SPATA18: variants seen among roughly 807,000 people sequenced by gnomAD.
The protein encoded by SPATA18 is mitochondria-eating protein.
Under a neutral mutation model 68.1 loss-of-function variants are expected in SPATA18, and 54 were observed. The observed-to-expected ratio is 0.79, with a 90% CI of 0.64 to 0.99. SPATA18 has a LOEUF of 0.99. SPATA18 is among the 50% of genes least tolerant of loss of function. The pLI is 0.00. For synonymous variants in SPATA18, 242 were observed against 244.8 expected (o/e 0.99, Z 0.11); for missense variants, 724 against 681.1 (o/e 1.06, Z -0.70).
intron 11 of SPATA18, among the ~76,000 whole-genome samples, chr4:52,088,098 T>C (rs528283067): frequency 1.1e-4 from 16 of 152,328 alleles, no homozygotes; most frequent in African/African-American, 3.8e-4. Context: ...ATAGGAATGC[T>C]TGTGATTTTT....
intron 6 of SPATA18, among the ~76,000 whole-genome samples, chr4:52,074,784 G>C (rs557527232): frequency 2.6e-4 from 39 of 152,282 alleles, no homozygotes; most frequent in Admixed American, 1.6e-3. Context: ...TATGAATGGT[G>C]GGGGGAGTAC....
At chr4:52,094,722 T>C (rs1393726094) in intron 12 of SPATA18, 150 bp downstream of exon 12, 5 of 1,285,030 alleles carry the variant, frequency 3.9e-6, no homozygotes, top group Non-Finnish European at 4.5e-6. Flanking sequence ...CTCTGGCTGA[T>C]GGTACCCAGG....
chr4:52,088,337 C>T (rs1203163130), intron 11 of SPATA18, among the ~76,000 whole-genome samples: 1 of 152,126 alleles, frequency 6.6e-6, no homozygotes, highest in Non-Finnish European at 1.5e-5. Flanking sequence ...AGAAGGCATC[C>T]TTGTCTTGTG....
chr4:52,078,824 C>T lies in SPATA18; in HGVS notation c.1110C>T (p.Asp370=). The T allele has an allele frequency of 6.2e-7, 1 of 1,609,754 alleles. No individual in the cohort carries two copies. Among genetic ancestry groups the T allele is most frequent in the Non-Finnish European group, 8.5e-7 (1 of 1,176,450 alleles). The change falls in exon 8 of 13, where the codon GAC becomes GAT. Residue 370 remains aspartate (D), a synonymous_variant. Transcript: ENST00000295213. ...CACCATCTTATGTGGGGTCGAATGA[C>T]TTTGAGAATGCTGTCTTGGATTATG... The part of the protein sequence containing the change: ...SLTPSYVGSN[D]FENAVLDYVI...
chr4:52,087,778 T>G (rs1741566266), intron 11 of SPATA18, among the ~76,000 whole-genome samples: 1 of 151,904 alleles, frequency 6.6e-6, no homozygotes, highest in African/African-American at 2.4e-5. Flanking sequence ...CATATGAAAT[T>G]TAAAGTGGTT....
chr4:52,074,011 G>T (rs1045780374), intron 6 of SPATA18, among the ~76,000 whole-genome samples: 1 of 152,176 alleles, frequency 6.6e-6, no homozygotes, highest in Non-Finnish European at 1.5e-5. Context: ...GCCAGTATTT[G>T]CCAGTATTTC....
At chr4:52,089,131 C>A (rs1741715099) in intron 11 of SPATA18, among the ~76,000 whole-genome samples, 1 of 151,554 alleles carries the variant, frequency 6.6e-6, no homozygotes, top group African/African-American at 2.4e-5. Flanking sequence ...TGATGATACC[C>A]CTCTTATCAT....
chr4:52,070,054 A>T, intron 5 of SPATA18, 138 bp downstream of exon 5: 3 of 237,222 alleles, frequency 1.3e-5, no homozygotes, highest in Non-Finnish European at 1.5e-5. Flanking sequence ...ATATATATAT[A>T]TATTTACTAC....
chr4:52,068,521 G>C (rs577224207), intron 4 of SPATA18, among the ~76,000 whole-genome samples: 7 of 152,224 alleles, frequency 4.6e-5, no homozygotes, highest in Non-Finnish European at 1.0e-4. Flanking sequence ...GGCCCTTGCC[G>C]AGTGGGCATT....
chr4:52,076,792 C>G lies in SPATA18; in HGVS notation c.772C>G (p.Arg258Gly), dbSNP rs765886482. 19 of 1,613,368 alleles carry G rather than the reference C, an allele frequency of 1.2e-5. No homozygotes were observed. The highest frequency in any genetic ancestry group is 2.2e-5 in the East Asian group (1 of 44,888). ...SALQGRSSRS[R>G]SPSPAPRSRS... is the part of the protein sequence containing the mutation. ...GCTCACCAACAGGTCCTCCAGGAGC[C>G]GGTCTCCCAGCCCTGCCCCTCGCAG... is the stretch of plus-strand genomic sequence containing the variant. Residue 258 changes from arginine to glycine, a missense_variant, in exon 7 of 13, where the codon CGG (arginine) becomes GGG (glycine). Coordinates refer to ENST00000295213, the MANE Select transcript of SPATA18 (RefSeq NM_145263.4).
Position 52,072,116 on chromosome 4 carries a change from A to T in SPATA18, c.718A>T (p.Ile240Leu), listed in dbSNP as rs1446430102. ...ACAGCTCCGAAACCTGAAGGAGGAGATAGCTGTTCTGTCTGCTGAGAAAAG... is the reference window on the plus strand; with the variant it reads ...ACAGCTCCGAAACCTGAAGGAGGAGTTAGCTGTTCTGTCTGCTGAGAAAAG... ...KKQLRNLKEE[I>L]AVLSAEKSAL... Residue 240 changes from isoleucine (I) to leucine (L), a missense_variant, in exon 6 of 13, where the codon ATA becomes TTA. Coordinates refer to ENST00000295213, the MANE Select transcript of SPATA18 (RefSeq NM_145263.4). 1.2e-6 allele frequency: 2 copies of T among 1,614,096 alleles called. No individual in the cohort carries two copies. The highest frequency in any genetic ancestry group is 3.3e-5 in the Admixed American group (2 of 60,010).
rs760300426 is a variant in SPATA18 at position 52,079,917 on chromosome 4, C to T, written c.1353C>T (p.Cys451=). 1.2e-6 allele frequency: 2 copies of T among 1,611,238 alleles called. No individual in the cohort carries two copies. Among genetic ancestry groups the T allele is most frequent in the Non-Finnish European group, 8.5e-7 (1 of 1,178,794 alleles). ...CAGATGGAGAAGTTTTTAATGATTG[C>T]AAGTAAGAGACACAGGAGCAGAAGC... ...YGADGEVFND[C]KYRRSYDSDF... is the part of the protein sequence containing the mutation. Residue 451 remains cysteine (C), a splice_region_variant and synonymous_variant, in exon 9 of 13, where the codon TGC becomes TGT. Coordinates refer to ENST00000295213, the MANE Select transcript of SPATA18 (RefSeq NM_145263.4).
intron 4 of SPATA18, among the ~76,000 whole-genome samples, chr4:52,065,535 T>C (rs972221686): frequency 1.3e-5 from 2 of 152,236 alleles, no homozygotes; most frequent in Non-Finnish European, 2.9e-5. Context: ...CAACACCGTT[T>C]GTTGAATAGG....
intron 11 of SPATA18, 80 bp from the exon 12 acceptor site, chr4:52,094,447 G>A: frequency 6.8e-7 from 1 of 1,464,962 alleles, no homozygotes; most frequent in Non-Finnish European, 9.5e-7. Context: ...TTGGTTTTAG[G>A]GAAAAAAAAT....
At chr4:52,080,253 G>A (rs1740805365) in intron 9 of SPATA18, among the ~76,000 whole-genome samples, 1 of 152,162 alleles carries the variant, frequency 6.6e-6, no homozygotes, top group Non-Finnish European at 1.5e-5. Flanking sequence ...AGTATGATGT[G>A]TGGATCACCT....
rs1578149271 is a variant in SPATA18, at chr4:52,059,938, A to G, written c.88-481A>G. Among the ~76,000 whole-genome samples, 8 of 152,318 alleles carry G rather than the reference A, an allele frequency of 5.3e-5. No homozygotes were observed. The South Asian group carries it at 1.7e-3, about 32-fold the overall frequency. On this transcript the variant is annotated intron_variant, in intron 1 of 12. Coordinates refer to ENST00000295213, the MANE Select transcript of SPATA18 (RefSeq NM_145263.4). Reference sequence around the variant, plus strand: ...TTTTTGTAGGGTTTTACTGAGTAGGATTATTGCTATAAAAAACAACCTCCA... The same window carrying G: ...TTTTTGTAGGGTTTTACTGAGTAGGGTTATTGCTATAAAAAACAACCTCCA...
At chr4:52,070,172 T>C (rs891449857) in intron 5 of SPATA18, among the ~76,000 whole-genome samples, 2 of 151,942 alleles carry the variant, frequency 1.3e-5, no homozygotes, top group African/African-American at 4.8e-5. Context: ...CCATTTTACA[T>C]TCTTTCCAAT....
rs767818460 is a variant in SPATA18, at chr4:52,076,875, A to G, written c.855A>G (p.Arg285=). The change falls in exon 7 of 13, where the codon AGA becomes AGG. Residue 285 remains arginine, a synonymous_variant. Coordinates refer to ENST00000295213, the MANE Select transcript of SPATA18 (RefSeq NM_145263.4). Reference sequence around the variant, plus strand: ...CCTCCACCGCTGTCAAGGTCAGGAGACCGTCCCCAAACCGCTCCAAGCTGT... The same window carrying G: ...CCTCCACCGCTGTCAAGGTCAGGAGGCCGTCCCCAAACCGCTCCAAGCTGT... The part of the protein sequence containing the change: ...ASPSTAVKVR[R]PSPNRSKLSN... The G allele has an allele frequency of 4.3e-6, 7 of 1,614,042 alleles. No individual in the cohort carries two copies. In the Admixed American group the frequency reaches 5.0e-5, roughly 12 times the overall value.
At chr4:52,069,084 G>C (rs1003316831) in intron 4 of SPATA18, among the ~76,000 whole-genome samples, 1 of 152,056 alleles carries the variant, frequency 6.6e-6, no homozygotes, top group South Asian at 2.1e-4. Flanking sequence ...GCACAGGCTT[G>C]TCTTGAACTC....
Sources: allele counts gnomAD v4.1 joint callset (sites outside exome capture counted in the v4.1 genomes callset), GRCh38; gene constraint gnomAD v4.1.1; transcripts MANE v1.5; gene names NCBI Gene and HGNC (gene_info 2026-07-23, HGNC 2026-07-21).